Variants in MYO5A observed in about 807,000 individuals in gnomAD.
MYO5A encodes unconventional myosin-Va.
MYO5A carries 98 observed loss-of-function variants against 249.7 expected under a neutral mutation model. The ratio of observed to expected loss-of-function variants is 0.39; its 90% CI spans 0.33 to 0.46. MYO5A has a LOEUF of 0.46. Among genes scored for constraint, MYO5A ranks in the 20% least tolerant of loss-of-function variants. MYO5A has a pLI of 0.98. For missense variants in MYO5A, 1,696 were observed against 2,308.8 expected (o/e 0.73, Z 5.44); for synonymous variants, 778 against 810.6 (o/e 0.96, Z 0.68).
At chr15:52,400,804 GT>G (rs2042717909) in intron 9 of MYO5A, among the ~76,000 whole-genome samples, 1 of 152,122 alleles carries the variant, frequency 6.6e-6, no homozygotes, top group South Asian at 2.1e-4. Context: ...TGTCTGCCAG[GT>G]TTCTTGACTG....
chr15:52,515,451 C>A (rs982110973), intron 1 of MYO5A, among the ~76,000 whole-genome samples: 2 of 152,020 alleles, frequency 1.3e-5, no homozygotes, highest in Non-Finnish European at 2.9e-5. Context: ...ATGTCATTCA[C>A]CAGACAGGAA....
intron 31 of MYO5A, 100 bp downstream of exon 31, chr15:52,343,017 A>G (rs2039452066): frequency 1.1e-6 from 1 of 940,636 alleles, no homozygotes; most frequent in Non-Finnish European, 1.7e-6. Context: ...CCAAGAAGAC[A>G]ATCAATGCAC....
rs116841774 is a variant in MYO5A at position 52,445,128 on chromosome 15, C to T, written c.28-11843G>A. ...CCAAATCCCATGTTGAAATGTAATC[C>T]CCAATGCTGGAGGTGAGGCCTGGTG... On this transcript the variant is annotated intron_variant, in intron 1 of 41. Transcript: ENST00000399233. Among the ~76,000 whole-genome samples, 955 of 152,226 alleles carry T rather than the reference C, an allele frequency of 6.3e-3. 3 individuals carry two copies. The highest frequency in any genetic ancestry group is 0.012 in the Non-Finnish European group (797 of 67,996).
intron 1 of MYO5A, among the ~76,000 whole-genome samples, chr15:52,501,223 G>A (rs945558096): frequency 1.3e-5 from 2 of 151,864 alleles, no homozygotes; most frequent in African/African-American, 2.4e-5. Flanking sequence ...CACCCGCCTC[G>A]GCCTCCCAAA....
intron 1 of MYO5A, among the ~76,000 whole-genome samples, chr15:52,473,487 G>A (rs570207201): frequency 6.6e-6 from 1 of 152,262 alleles, no homozygotes; most frequent in East Asian, 1.9e-4. Context: ...TGTCCTGAAT[G>A]GTATTGCCTA....
intron 22 of MYO5A, 140 bp from the exon 23 acceptor site, chr15:52,367,264 T>C: frequency 1.3e-6 from 1 of 765,524 alleles, no homozygotes. Context: ...TCTAGTCACC[T>C]TACAAACTTG....
chr15:52,391,446 C>G (rs1398969085), intron 12 of MYO5A, among the ~76,000 whole-genome samples: 7 of 152,192 alleles, frequency 4.6e-5, no homozygotes, highest in Admixed American at 3.9e-4. Flanking sequence ...TACGATCACT[C>G]AGTGGTAAAG....
chr15:52,500,296 C>T (rs2077126188), intron 1 of MYO5A, among the ~76,000 whole-genome samples: 1 of 150,814 alleles, frequency 6.6e-6, no homozygotes, highest in Non-Finnish European at 1.5e-5. Context: ...TGCTTATTAG[C>T]CATTTGTATA....
chr15:52,395,097 C>T (rs889291464), intron 11 of MYO5A, among the ~76,000 whole-genome samples: 1 of 152,148 alleles, frequency 6.6e-6, no homozygotes, highest in African/African-American at 2.4e-5. Context: ...CCCATCTCTC[C>T]CCAACCCCAA....
At chr15:52,440,450 T>A in intron 1 of MYO5A, among the ~76,000 whole-genome samples, 1 of 152,138 alleles carries the variant, frequency 6.6e-6, no homozygotes, top group East Asian at 1.9e-4. Flanking sequence ...ATATTATTAG[T>A]AGAGACGGGG....
At chr15:52,488,869 C>T (rs751761042) in intron 1 of MYO5A, among the ~76,000 whole-genome samples, 1 of 152,126 alleles carries the variant, frequency 6.6e-6, no homozygotes, top group Admixed American at 6.6e-5. Flanking sequence ...TAATATTTAA[C>T]AATTTCTCTT....
chr15:52,412,565 A>G (rs1454514387), intron 5 of MYO5A, among the ~76,000 whole-genome samples: 1 of 152,198 alleles, frequency 6.6e-6, no homozygotes, highest in Non-Finnish European at 1.5e-5. Context: ...CTTTTTAAAA[A>G]ATAAAATTAT....
intron 1 of MYO5A, among the ~76,000 whole-genome samples, chr15:52,473,361 A>G (rs201447387): frequency 2.5e-4 from 38 of 152,074 alleles, no homozygotes; most frequent in Non-Finnish European, 1.0e-4. Flanking sequence ...TCACTCTGAT[A>G]GTAGTTTCTT....
At chr15:52,355,310 A>G (rs1374778447) in intron 25 of MYO5A, among the ~76,000 whole-genome samples, 27 of 152,222 alleles carry the variant, frequency 1.8e-4, no homozygotes, top group Non-Finnish European at 4.4e-5. Flanking sequence ...TGGATCAAAA[A>G]TATTCCCCCC....
At chr15:52,316,920 A>G in intron 40 of MYO5A, 128 bp downstream of exon 40, 2 of 1,000,852 alleles carry the variant, frequency 2.0e-6, no homozygotes, top group South Asian at 1.4e-5. Context: ...TGGTAGAGGC[A>G]TATATCTTCT....
rs745598427 is a variant in MYO5A, at chr15:52,482,603, T to G, written c.27+46177A>C. Among the ~76,000 whole-genome samples, 154 of 152,286 alleles carry G rather than the reference T, an allele frequency of 1.0e-3. 2 individuals carry two copies. The Middle Eastern group carries it at 0.01, about 10-fold the overall frequency. On this transcript the variant is annotated intron_variant, in intron 1 of 41. Coordinates refer to ENST00000399233, the MANE Select transcript of MYO5A (RefSeq NM_001382347.1). ...CAAAAACAACTCAACAAGGTGAAAT[T>G]TATTCCATTTGATATCCCTAACATT...
chr15:52,495,200 C>T (rs2077013465), intron 1 of MYO5A, among the ~76,000 whole-genome samples: 1 of 152,110 alleles, frequency 6.6e-6, no homozygotes, highest in South Asian at 2.1e-4. Flanking sequence ...TACATATACA[C>T]AATAGAATAC....
intron 1 of MYO5A, among the ~76,000 whole-genome samples, chr15:52,437,561 C>T (rs1335186323): frequency 1.4e-5 from 2 of 141,946 alleles, no homozygotes; most frequent in South Asian, 2.2e-4. Context: ...AGTCACTGCA[C>T]TCCAGCCTGG....
intron 1 of MYO5A, among the ~76,000 whole-genome samples, chr15:52,483,476 A>G (rs1230227194): frequency 6.6e-6 from 1 of 152,164 alleles, no homozygotes; most frequent in Admixed American, 6.6e-5. Context: ...GGAGTAGGGA[A>G]GAGAAAAAGT....
Sources: gnomAD v4.1 joint callset for allele counts (sites outside exome capture counted in the v4.1 genomes callset) on GRCh38, gnomAD v4.1.1 for gene constraint, MANE v1.5 for transcripts, NCBI Gene and HGNC (gene_info 2026-07-23, HGNC 2026-07-21) for gene names.